Variants in NRXN3 observed in about 807,000 individuals in gnomAD.
NRXN3 encodes the protein neurexin III.
NRXN3 carries 32 observed loss-of-function variants against 137.6 expected under a neutral mutation model. That is an observed-to-expected ratio of 0.23 (90% CI 0.18 to 0.31). The LOEUF is 0.31. Ranked by LOEUF, NRXN3 falls within the 10% of genes least tolerant of loss-of-function variation. NRXN3 has a pLI of 1.00. For missense variants in NRXN3, 1,574 were observed against 2,062.5 expected (o/e 0.76, Z 4.59); for synonymous variants, 798 against 784.5 (o/e 1.02, Z -0.29).
chr14:78,994,604 A>C (rs138773049), intron 15 of NRXN3, among the ~76,000 whole-genome samples: 1 of 152,322 alleles, frequency 6.6e-6, no homozygotes, highest in African/African-American at 2.4e-5. Context: ...TTTGATTTGT[A>C]ATGTGTATAA....
intron 16 of NRXN3, among the ~76,000 whole-genome samples, chr14:79,488,216 A>G (rs915493789): frequency 6.6e-6 from 1 of 152,168 alleles, no homozygotes; most frequent in Non-Finnish European, 1.5e-5. Context: ...TTGAATAGAG[A>G]AAGAGTGTTC....
chr14:78,326,436 A>T (rs868288292), intron 4 of NRXN3, among the ~76,000 whole-genome samples: 1 of 152,318 alleles, frequency 6.6e-6, no homozygotes, highest in Middle Eastern at 3.4e-3. Context: ...TATGTTTTCC[A>T]CAGCTCCATC....
Position 78,875,607 on chromosome 14 carries a change from A to C in NRXN3, c.2275+65263A>C, listed in dbSNP as rs78112324. Among the ~76,000 whole-genome samples the C allele has an allele frequency of 0.013, 1,994 of 152,282 alleles. 222 individuals carry two copies. In the East Asian group the frequency reaches 0.27, roughly 20 times the overall value. On this transcript the variant is annotated intron_variant, in intron 10 of 20. Transcript: ENST00000335750. ...AAAGATACCAACTCTCCATTTGAAT[A>C]CCATTTCTCAGCTCATTTTAAACAT...
At chr14:78,194,110 C>T (rs1414943379) in intron 1 of NRXN3, among the ~76,000 whole-genome samples, 1 of 152,220 alleles carries the variant, frequency 6.6e-6, no homozygotes, top group East Asian at 1.9e-4. Flanking sequence ...GTGCGACCCA[C>T]ATCGGTCCCT....
intron 15 of NRXN3, among the ~76,000 whole-genome samples, chr14:79,466,348 G>A (rs2096423171): frequency 6.6e-6 from 1 of 152,214 alleles, no homozygotes; most frequent in African/African-American, 2.4e-5. Flanking sequence ...AGCACTTTGG[G>A]TGGCCAAGGC....
At chr14:78,346,604 G>T (rs2082767216) in intron 4 of NRXN3, among the ~76,000 whole-genome samples, 1 of 152,238 alleles carries the variant, frequency 6.6e-6, no homozygotes, top group Middle Eastern at 3.4e-3. Flanking sequence ...GGGGTGAGAT[G>T]AGCTCTTCTG....
chr14:79,392,969 CAAAA>C (rs3036678), intron 15 of NRXN3, among the ~76,000 whole-genome samples: 16 of 60,694 alleles, frequency 2.6e-4, no homozygotes, highest in African/African-American at 3.6e-4. Flanking sequence ...GGCTCCATCT[CAAAA>C]AAAAAAAAAA....
chr14:79,127,496 C>T (rs530195533), intron 15 of NRXN3, among the ~76,000 whole-genome samples: 8 of 152,166 alleles, frequency 5.3e-5, no homozygotes, highest in East Asian at 3.9e-4. Flanking sequence ...AGATATGCGG[C>T]GTTATTTCTG....
intron 16 of NRXN3, among the ~76,000 whole-genome samples, chr14:79,592,571 A>G (rs1391073883): frequency 1.3e-5 from 2 of 148,460 alleles, no homozygotes; most frequent in Non-Finnish European, 2.9e-5. Context: ...ATACTGATGA[A>G]GCCCATCAAT....
chr14:79,329,305 T>C (rs1442722600), intron 15 of NRXN3, among the ~76,000 whole-genome samples: 1 of 152,226 alleles, frequency 6.6e-6, no homozygotes, highest in East Asian at 1.9e-4. Context: ...TGTTTATGCA[T>C]CTCTCTTTTG....
chr14:78,845,055 C>T (rs565441682), intron 10 of NRXN3, among the ~76,000 whole-genome samples: 1 of 150,654 alleles, frequency 6.6e-6, no homozygotes, highest in African/African-American at 2.5e-5. Flanking sequence ...TGTGATGTCA[C>T]AGGCCTGAAA....
At chr14:78,298,592 T>C (rs770784926) in intron 4 of NRXN3, among the ~76,000 whole-genome samples, 3 of 152,236 alleles carry the variant, frequency 2.0e-5, no homozygotes, top group Admixed American at 6.5e-5. Flanking sequence ...TTCTCCTAAA[T>C]AAAAATTTTC....
chr14:78,779,026 A>G (rs2098758804), intron 8 of NRXN3, among the ~76,000 whole-genome samples: 1 of 152,000 alleles, frequency 6.6e-6, no homozygotes, highest in Non-Finnish European at 1.5e-5. Context: ...AAATGAAATC[A>G]ACTTGGATAG....
intron 4 of NRXN3, among the ~76,000 whole-genome samples, chr14:78,468,488 C>T (rs2095179528): frequency 6.6e-6 from 1 of 152,138 alleles, no homozygotes; most frequent in Non-Finnish European, 1.5e-5. Context: ...GTAGTCTGGA[C>T]ACATTCTTAT....
At chr14:78,725,314 G>A (rs947291478) in intron 8 of NRXN3, among the ~76,000 whole-genome samples, 1 of 152,194 alleles carries the variant, frequency 6.6e-6, no homozygotes. Flanking sequence ...ATCTCCATCA[G>A]CAATGTTGTA....
chr14:78,493,459 G>T (rs2095707751), intron 4 of NRXN3, among the ~76,000 whole-genome samples: 1 of 151,500 alleles, frequency 6.6e-6, no homozygotes, highest in South Asian at 2.1e-4. Context: ...GGAGGCAGAA[G>T]TTGTACTAAG....
At chr14:79,447,088 A>G (rs1475979340) in intron 15 of NRXN3, among the ~76,000 whole-genome samples, 2 of 152,192 alleles carry the variant, frequency 1.3e-5, no homozygotes, top group Non-Finnish European at 2.9e-5. Flanking sequence ...AGTTCCATTA[A>G]GAAAGACAGT....
intron 20 of NRXN3, among the ~76,000 whole-genome samples, chr14:79,831,966 A>G (rs1213515736): frequency 6.6e-6 from 1 of 152,134 alleles, no homozygotes; most frequent in Admixed American, 6.6e-5. Context: ...TTAGTATTTA[A>G]CAGGCACTTT....
chr14:79,431,529 A>G (rs1397183679), intron 15 of NRXN3, among the ~76,000 whole-genome samples: 1 of 152,192 alleles, frequency 6.6e-6, no homozygotes, highest in East Asian at 1.9e-4. Context: ...ATTTTTAAGT[A>G]ATAACAGATG....
Sources: allele counts gnomAD v4.1 joint callset (sites outside exome capture counted in the v4.1 genomes callset), GRCh38; gene constraint gnomAD v4.1.1; transcripts MANE v1.5; gene names NCBI Gene and HGNC (gene_info 2026-07-23, HGNC 2026-07-21).